Variants in FAF1 observed in about 807,000 individuals in gnomAD.
FAF1 encodes FAS-associated factor 1.
In FAF1, 25 loss-of-function variants were observed where a neutral mutation model predicts 92.5. That is an observed-to-expected ratio of 0.27 (90% CI 0.20 to 0.38). The LOEUF is 0.38. Among genes scored for constraint, FAF1 ranks in the 10% least tolerant of loss-of-function variants. The probability of loss-of-function intolerance (pLI) is 1.00; values close to 1 mark genes in which losing one functional copy is unlikely to be tolerated. For synonymous variants in FAF1, 234 were observed against 273.2 expected (o/e 0.86, Z 1.42); for missense variants, 636 against 793.3 (o/e 0.80, Z 2.38).
intron 8 of FAF1, among the ~76,000 whole-genome samples, chr1:50,607,775 C>A (rs1201789002): frequency 6.6e-6 from 1 of 152,242 alleles, no homozygotes; most frequent in African/African-American, 2.4e-5. Context: ...TCCAGTGACA[C>A]TCGGACAAAT....
At chr1:50,744,602 T>C (rs1236115101) in intron 5 of FAF1, 82 bp downstream of exon 5, 1 of 929,840 alleles carries the variant, frequency 1.1e-6, no homozygotes, top group African/African-American at 1.7e-5. Flanking sequence ...GTAACAACAT[T>C]AATTAAAACC....
At chr1:50,715,589 C>T (rs1298020645) in intron 6 of FAF1, among the ~76,000 whole-genome samples, 1 of 152,156 alleles carries the variant, frequency 6.6e-6, no homozygotes, top group African/African-American at 2.4e-5. Flanking sequence ...TTTAGTAAAA[C>T]TTCTTTTCTC....
At chr1:50,474,019 T>C (rs889110692) in intron 18 of FAF1, among the ~76,000 whole-genome samples, 1 of 152,204 alleles carries the variant, frequency 6.6e-6, no homozygotes, top group African/African-American at 2.4e-5. Flanking sequence ...TCCCTCTCCA[T>C]ATATATATCT....
intron 18 of FAF1, among the ~76,000 whole-genome samples, chr1:50,471,467 T>TA (rs1646571220): frequency 6.6e-6 from 1 of 152,234 alleles, no homozygotes; most frequent in African/African-American, 2.4e-5. Flanking sequence ...CCTGTTCCTT[T>TA]AAGTCTTAGA....
chr1:50,598,455 C>T (rs1651934969), intron 8 of FAF1, among the ~76,000 whole-genome samples: 1 of 137,080 alleles, frequency 7.3e-6, no homozygotes, highest in Non-Finnish European at 1.5e-5. Context: ...AAGCAAGAAC[C>T]TGTCTTTAAA....
Position 50,490,475 on chromosome 1 carries a change from AAGG to A in FAF1, c.1653+110_1653+112del, listed in dbSNP as rs1306170524. On this transcript the variant is annotated intron_variant, in intron 17 of 18. Transcript: ENST00000396153. ...AGGAAGGAAGGAAAAAGAAAGAAGG[AAGG>A]AAGGAAGGAAGGAAAGGAAGGAAGG... is the stretch of plus-strand genomic sequence containing the variant. 7 of 619,124 alleles carry A rather than the reference AAGG, an allele frequency of 1.1e-5. 1 individual carries two copies. In the African/African-American group the frequency reaches 1.5e-4, roughly 13 times the overall value. 38.4% of individuals were successfully genotyped at this position (619,124 alleles called of 1,614,324 possible).
At chr1:50,696,760 T>C (rs1657249871) in intron 7 of FAF1, among the ~76,000 whole-genome samples, 2 of 152,194 alleles carry the variant, frequency 1.3e-5, no homozygotes, top group Admixed American at 6.5e-5. Context: ...GTACCTTCTT[T>C]CCTCACGCTT....
chr1:50,809,429 A>G (rs1161537181), intron 2 of FAF1, among the ~76,000 whole-genome samples: 2 of 152,184 alleles, frequency 1.3e-5, no homozygotes, highest in African/African-American at 4.8e-5. Context: ...TAACAAAGGG[A>G]ACATTACCAC....
chr1:50,582,897 A>G (rs1651055398), intron 11 of FAF1, among the ~76,000 whole-genome samples, 198 bp from the exon 12 acceptor site: 1 of 152,144 alleles, frequency 6.6e-6, no homozygotes, highest in Middle Eastern at 3.2e-3. Flanking sequence ...ATATACTAAA[A>G]TACTGGAATT....
intron 1 of FAF1, among the ~76,000 whole-genome samples, chr1:50,890,904 C>T (rs1444077414): frequency 1.3e-5 from 2 of 152,162 alleles, no homozygotes; most frequent in Admixed American, 6.5e-5. Context: ...TGAATGTTGG[C>T]CCGCCTTGCT....
At chr1:50,674,513 G>A (rs1656033327) in intron 7 of FAF1, among the ~76,000 whole-genome samples, 2 of 152,212 alleles carry the variant, frequency 1.3e-5, no homozygotes, top group African/African-American at 4.8e-5. Flanking sequence ...GGATATTTCA[G>A]AGATTCTGAT....
intron 2 of FAF1, among the ~76,000 whole-genome samples, chr1:50,805,233 A>C (rs1662146636): frequency 6.6e-6 from 1 of 152,176 alleles, no homozygotes; most frequent in Non-Finnish European, 1.5e-5. Context: ...TCTTGCCTTG[A>C]CCTAGTTTAT....
At chr1:50,507,561 G>A (rs964004351) in intron 15 of FAF1, among the ~76,000 whole-genome samples, 57 of 152,176 alleles carry the variant, frequency 3.7e-4, no homozygotes, top group Middle Eastern at 3.4e-3. Context: ...ATAACATGGC[G>A]AGACCCATAA....
At chr1:50,519,971 A>C (rs1176336705) in intron 15 of FAF1, among the ~76,000 whole-genome samples, 1 of 152,212 alleles carries the variant, frequency 6.6e-6, no homozygotes. Flanking sequence ...CTGATCATCT[A>C]AAGGAATGCA....
At chr1:50,560,973 G>C (rs1034015178) in intron 13 of FAF1, among the ~76,000 whole-genome samples, 2 of 152,194 alleles carry the variant, frequency 1.3e-5, no homozygotes, top group African/African-American at 4.8e-5. Context: ...GCTTTACATA[G>C]TACTATTTAT....
chr1:50,739,348 A>G (rs900914916), intron 5 of FAF1, among the ~76,000 whole-genome samples: 3 of 151,938 alleles, frequency 2.0e-5, no homozygotes, highest in Non-Finnish European at 4.4e-5. Context: ...ACATGCATAT[A>G]CATGTGTACA....
At chr1:50,927,939 G>T (rs1386717078) in intron 1 of FAF1, among the ~76,000 whole-genome samples, 2 of 152,120 alleles carry the variant, frequency 1.3e-5, no homozygotes, top group South Asian at 4.1e-4. Flanking sequence ...TGTTTATATG[G>T]ATGTGTTCAT....
Position 50,903,408 on chromosome 1 carries a change from T to C in FAF1, c.46-45411A>G, listed in dbSNP as rs184024713. ...GTCTTTATATAGTCTCCTCAAGATA[T>C]GACTGGTGTCTTGTCCATTTTTGTA... On this transcript the variant is annotated intron_variant, in intron 1 of 18. Transcript: ENST00000396153. Among the ~76,000 whole-genome samples, 368 of 152,316 alleles carry C rather than the reference T, an allele frequency of 2.4e-3. 3 individuals carry two copies. The highest frequency in any genetic ancestry group is 3.2e-3 in the Non-Finnish European group (216 of 68,016).
intron 4 of FAF1, among the ~76,000 whole-genome samples, chr1:50,768,969 T>TA (rs1204990065): frequency 6.7e-6 from 1 of 149,582 alleles, no homozygotes; most frequent in African/African-American, 2.5e-5. Flanking sequence ...AACTGAGACA[T>TA]AAAAAAATAT....
Sources: allele counts gnomAD v4.1 joint callset (sites outside exome capture counted in the v4.1 genomes callset), GRCh38; gene constraint gnomAD v4.1.1; transcripts MANE v1.5; gene names NCBI Gene and HGNC (gene_info 2026-07-23, HGNC 2026-07-21).